Variants in ADAMTS3 observed in about 807,000 individuals in gnomAD.
ADAMTS3 encodes A disintegrin and metalloproteinase with thrombospondin motifs 3.
A neutral mutation model predicts 129.0 loss-of-function variants in ADAMTS3; 73 were observed. That is an observed-to-expected ratio of 0.57 (90% CI 0.47 to 0.69). The LOEUF (loss-of-function observed/expected upper bound fraction) is 0.69. Among genes scored for constraint, ADAMTS3 ranks in the 30% least tolerant of loss-of-function variants. The pLI, the probability that ADAMTS3 is intolerant of heterozygous loss-of-function variation, is 0.00. For synonymous variants in ADAMTS3, 477 were observed against 510.8 expected (o/e 0.93, Z 0.89); for missense variants, 1,457 against 1,514.5 (o/e 0.96, Z 0.63).
At chr4:72,432,490 C>T (rs1722723692) in intron 3 of ADAMTS3, among the ~76,000 whole-genome samples, 1 of 151,914 alleles carries the variant, frequency 6.6e-6, no homozygotes, top group African/African-American at 2.4e-5. Flanking sequence ...ATGTTAGTTC[C>T]TTATCACCGC....
intron 3 of ADAMTS3, among the ~76,000 whole-genome samples, chr4:72,465,299 A>T (rs1718888625): frequency 6.6e-6 from 1 of 151,902 alleles, no homozygotes; most frequent in African/African-American, 2.4e-5. Flanking sequence ...AGAGGAAGAA[A>T]TGAGCTTAGC....
intron 18 of ADAMTS3, among the ~76,000 whole-genome samples, chr4:72,297,297 A>T (rs1718834410): frequency 6.6e-6 from 1 of 152,122 alleles, no homozygotes; most frequent in Admixed American, 6.6e-5. Flanking sequence ...ATGACCAAGT[A>T]AATGTTGAGA....
At chr4:72,322,976 T>C (rs771988263) in intron 6 of ADAMTS3, 38 bp downstream of exon 6, 1 of 1,494,630 alleles carries the variant, frequency 6.7e-7, no homozygotes. Flanking sequence ...GCTAACCCAG[T>C]CCCTAATGTT....
intron 20 of ADAMTS3, 47 bp from the exon 21 acceptor site, chr4:72,288,915 C>T: frequency 1.4e-6 from 1 of 735,694 alleles, no homozygotes; most frequent in Admixed American, 1.9e-5. Context: ...GCACCAAGAC[C>T]ATGCACATAC....
chr4:72,377,642 C>G (rs367596476), intron 4 of ADAMTS3, among the ~76,000 whole-genome samples: 27 of 152,240 alleles, frequency 1.8e-4, no homozygotes, highest in African/African-American at 6.3e-4. Flanking sequence ...TCCAAGTTGC[C>G]AAGTGGCATG....
At chr4:72,315,404 AG>A (rs1719364082) in intron 11 of ADAMTS3, among the ~76,000 whole-genome samples, 1 of 152,176 alleles carries the variant, frequency 6.6e-6, no homozygotes, top group Non-Finnish European at 1.5e-5. Context: ...CTTATAAGAG[AG>A]GGGTAGAAGG....
chr4:72,330,789 G>A (rs1453517921), intron 5 of ADAMTS3: 1 of 152,164 alleles, frequency 6.6e-6, no homozygotes, highest in Non-Finnish European at 1.5e-5. Context: ...AGTATCAAAG[G>A]AGCTTTGGAA....
At chr4:72,384,340 G>T (rs935539908) in intron 4 of ADAMTS3, among the ~76,000 whole-genome samples, 1 of 152,044 alleles carries the variant, frequency 6.6e-6, no homozygotes, top group Admixed American at 6.6e-5. Flanking sequence ...AGGACAAAAA[G>T]AAATAAAACC....
intron 3 of ADAMTS3, among the ~76,000 whole-genome samples, chr4:72,435,710 AC>A (rs1247978345): frequency 2.6e-5 from 4 of 151,948 alleles, no homozygotes; most frequent in African/African-American, 9.7e-5. Context: ...CACATCTACA[AC>A]CATCTGATCT....
At chr4:72,453,607 A>C (rs1031956922) in intron 3 of ADAMTS3, among the ~76,000 whole-genome samples, 1 of 151,646 alleles carries the variant, frequency 6.6e-6, no homozygotes, top group Non-Finnish European at 1.5e-5. Context: ...AAATTAGATA[A>C]ATTTATTTGA....
In ADAMTS3 at chr4:72,283,698, G is replaced by T; in HGVS notation, c.3056C>A (p.Pro1019Gln). ...ACQLPPCNDE[P>Q]CLGDKSIFCQ... is the part of the protein sequence containing the mutation. ...GAATATGGACTTGTCTCCCAAACAT[G>T]GTTCATCTGCAAAAATAAAAAGAAA... Residue 1019 changes from proline (P) to glutamine (Q), a missense_variant, in exon 22 of 22, where the codon CCA becomes CAA. Physicochemically the swap from Pro to Gln is moderately conservative, Grantham distance 76 (BLOSUM62 -1). Transcript: ENST00000286657. 1 of 1,543,410 alleles carries T rather than the reference G, an allele frequency of 6.5e-7. No homozygotes were observed.
In ADAMTS3 at chr4:72,290,894, C is replaced by T. The variant is rs757440998; in HGVS notation, c.2892G>A (p.Val964=). Residue 964 remains valine (V), a synonymous_variant, in exon 20 of 22, where the codon GTG becomes GTA. Transcript: ENST00000286657. The part of the protein sequence containing the change: ...RPESRRPCNR[V]PCPAQWKTGP... ...CTGTTTTCCACTGTGCAGGGCAGGG[C>T]ACTCTGTTACAGGGCCGGCGGCTCT... The T allele has an allele frequency of 6.2e-7, 1 of 1,614,024 alleles. No homozygotes were observed. The highest frequency in any genetic ancestry group is 1.1e-5 in the South Asian group (1 of 91,078).
chr4:72,470,575 T>C (rs1227648723), intron 3 of ADAMTS3, among the ~76,000 whole-genome samples: 1 of 151,920 alleles, frequency 6.6e-6, no homozygotes, highest in Non-Finnish European at 1.5e-5. Context: ...ATTTAACCTG[T>C]GAATCCCTGA....
At chr4:72,349,626 C>T (rs72862381) in intron 4 of ADAMTS3, among the ~76,000 whole-genome samples, 5,986 of 151,790 alleles carry the variant, frequency 0.039, 388 homozygotes, top group African/African-American at 0.14. Context: ...TTATAAACAA[C>T]CTCGGTTGTC....
chr4:72,351,145 C>T (rs568908010), intron 4 of ADAMTS3, among the ~76,000 whole-genome samples: 15 of 152,132 alleles, frequency 9.9e-5, no homozygotes, highest in Middle Eastern at 3.4e-3. Flanking sequence ...TGATAGCCAA[C>T]GTCTTGCAGA....
At chr4:72,557,857 C>G (rs1914698) in intron 2 of ADAMTS3, among the ~76,000 whole-genome samples, 146,249 of 151,798 alleles carry the variant, frequency 0.96, 70,847 homozygotes, top group East Asian at 1. Context: ...AAGTAAAAAA[C>G]ATTTTGTTTT....
In ADAMTS3 at chr4:72,318,574, C is replaced by T. The variant is rs537555543; in HGVS notation, c.1483G>A (p.Ala495Thr). 9 of 1,613,340 alleles carry T rather than the reference C, an allele frequency of 5.6e-6. No individual in the cohort carries two copies. In the African/African-American group the frequency reaches 6.7e-5, roughly 12 times the overall value. The change falls in exon 10 of 22, where the codon GCG becomes ACG. Residue 495 changes from alanine (A) to threonine (T), a missense_variant and splice_region_variant. By Grantham distance (58) the Ala-to-Thr change is moderately conservative. Transcript: ENST00000286657. ...TACATCAACTGTGAGCAACATACCG[C>T]GGTGCACATTTTATAGCCAACACCA... The part of the protein sequence containing the change: ...DFGVGYKMCT[A>T]FRTFDPCKQL...
intron 19 of ADAMTS3, among the ~76,000 whole-genome samples, chr4:72,293,799 A>G (rs916939911): frequency 3.3e-5 from 5 of 152,136 alleles, no homozygotes; most frequent in Admixed American, 6.6e-5. Flanking sequence ...GGAAGAAAAG[A>G]ACTCAAAAGA....
chr4:72,417,282 G>A (rs920649821), intron 3 of ADAMTS3, among the ~76,000 whole-genome samples: 1 of 152,198 alleles, frequency 6.6e-6, no homozygotes, highest in Non-Finnish European at 1.5e-5. Flanking sequence ...CAGTGCCACT[G>A]AAGCGGTCAG....
Sources: gnomAD v4.1 joint callset for allele counts (sites outside exome capture counted in the v4.1 genomes callset) on GRCh38, gnomAD v4.1.1 for gene constraint, MANE v1.5 for transcripts, NCBI Gene and HGNC (gene_info 2026-07-23, HGNC 2026-07-21) for gene names.